Variants in SPATA6 observed in about 807,000 individuals in gnomAD.
SPATA6 encodes the protein spermatogenesis associated 6.
A neutral mutation model predicts 65.3 loss-of-function variants in SPATA6; 56 were observed. The observed-to-expected ratio is 0.86, with a 90% CI of 0.69 to 1.07. The LOEUF is 1.07. Among genes scored for constraint, SPATA6 ranks in the 50% least tolerant of loss-of-function variants. The probability of loss-of-function intolerance (pLI) is 0.00; values close to 1 mark genes in which losing one functional copy is unlikely to be tolerated. For missense variants in SPATA6, 590 were observed against 594.8 expected (o/e 0.99, Z 0.08); for synonymous variants, 199 against 213.2 (o/e 0.93, Z 0.58).
chr1:48,423,560 C>CTT (rs1273413209), intron 3 of SPATA6, among the ~76,000 whole-genome samples: 86 of 99,042 alleles, frequency 8.7e-4, no homozygotes, highest in African/African-American at 2.8e-3. Context: ...TTCTTTCTTT[C>CTT]TTTCTTTTTT....
chr1:48,282,264 A>G, the SPATA6 span, among the ~76,000 whole-genome samples: 1 of 152,238 alleles, frequency 6.6e-6, no homozygotes, highest in Non-Finnish European at 1.5e-5. Flanking sequence ...CATTCAGGAC[A>G]TAGGCATGGG....
intron 5 of SPATA6, among the ~76,000 whole-genome samples, chr1:48,406,480 T>C (rs933539452): frequency 6.6e-6 from 1 of 152,226 alleles, no homozygotes; most frequent in African/African-American, 2.4e-5. Flanking sequence ...AGATTAATCA[T>C]CACACCATTT....
At chr1:48,292,615 T>C (rs72887983), downstream of SPATA6, among the ~76,000 whole-genome samples, 3,752 of 152,306 alleles carry the variant, frequency 0.025, 99 homozygotes, top group African/African-American at 0.067. Flanking sequence ...GGCAGGCATA[T>C]GTGCAGCAGT....
intron 9 of SPATA6, 66 bp from the exon 10 acceptor site, chr1:48,359,836 T>C (rs1646760882): frequency 2.4e-6 from 3 of 1,248,262 alleles, no homozygotes; most frequent in Non-Finnish European, 3.3e-6. Context: ...ACATATTATA[T>C]AGTAATATAG....
intron 11 of SPATA6, among the ~76,000 whole-genome samples, chr1:48,345,031 A>T (rs375088712): frequency 7.9e-5 from 12 of 152,154 alleles, no homozygotes; most frequent in African/African-American, 2.9e-4. Context: ...CCTGACAGAT[A>T]TCTACAGAAC....
intron 8 of SPATA6, among the ~76,000 whole-genome samples, chr1:48,385,653 T>A (rs539022365): frequency 6.6e-6 from 1 of 152,188 alleles, no homozygotes; most frequent in African/African-American, 2.4e-5. Flanking sequence ...TAGGGTTTAG[T>A]TGATAATCAA....
chr1:48,369,234 G>A (rs1256019640), intron 9 of SPATA6, among the ~76,000 whole-genome samples: 2 of 152,214 alleles, frequency 1.3e-5, no homozygotes, highest in Non-Finnish European at 2.9e-5. Context: ...GGCTGCTCGG[G>A]TGTCAGGGAC....
chr1:48,449,856 C>G (rs112852653), intron 3 of SPATA6, among the ~76,000 whole-genome samples: 20 of 152,252 alleles, frequency 1.3e-4, no homozygotes, highest in Middle Eastern at 3.4e-3. Context: ...GGTGAAATGA[C>G]ATAATGCATA....
chr1:48,378,759 T>C (rs1479885819), intron 9 of SPATA6, among the ~76,000 whole-genome samples: 1 of 152,136 alleles, frequency 6.6e-6, no homozygotes, highest in Non-Finnish European at 1.5e-5. Flanking sequence ...GCAATTCAAT[T>C]TGAGATTTGG....
the SPATA6 span, among the ~76,000 whole-genome samples, chr1:48,274,171 C>T: frequency 2.0e-4 from 31 of 152,176 alleles, no homozygotes; most frequent in East Asian, 2.3e-3. Context: ...TCATATCCTT[C>T]GCTCACTTTT....
the SPATA6 span, among the ~76,000 whole-genome samples, chr1:48,275,659 T>A: frequency 6.6e-6 from 1 of 152,172 alleles, no homozygotes; most frequent in Admixed American, 6.5e-5. Flanking sequence ...TTCGCATATG[T>A]TTTTATGGTA....
intron 3 of SPATA6, chr1:48,437,246 C>T (rs1402569095): frequency 1.2e-6 from 2 of 1,608,938 alleles, no homozygotes; most frequent in African/African-American, 1.3e-5. Flanking sequence ...ATTTCATGTC[C>T]TATATACTTG....
Position 48,315,689 on chromosome 1 carries a change from C to G in SPATA6, c.1195-9811G>C, listed in dbSNP as rs1003393761. Among the ~76,000 whole-genome samples the G allele has an allele frequency of 1.2e-3, 177 of 152,084 alleles. 1 individual carries two copies. The highest frequency in any genetic ancestry group is 3.6e-3 in the African/African-American group (151 of 41,498). ...AACATAGTGTTGGAAGTTCTGGCCA[C>G]GGCAATGAGGCAGGAGAAGGAAATA... On this transcript the variant is annotated intron_variant, in intron 11 of 12. Coordinates refer to ENST00000371847, the MANE Select transcript of SPATA6 (RefSeq NM_019073.4).
At chr1:48,263,258 G>T in the SPATA6 span, 14 of 152,138 alleles carry the variant, frequency 9.2e-5, no homozygotes, top group Non-Finnish European at 1.9e-4. Flanking sequence ...TTTGGTATTT[G>T]AGCATATCTT....
the SPATA6 span, among the ~76,000 whole-genome samples, chr1:48,286,268 G>A: frequency 2.0e-5 from 3 of 151,220 alleles, no homozygotes; most frequent in Non-Finnish European, 4.4e-5. Flanking sequence ...GCTTTGGGTA[G>A]TACAGACATT....
At chr1:48,358,612 T>G (rs1321418860) in intron 10 of SPATA6, among the ~76,000 whole-genome samples, 1 of 152,108 alleles carries the variant, frequency 6.6e-6, no homozygotes, top group Non-Finnish European at 1.5e-5. Flanking sequence ...GATACTGAGA[T>G]GCAAGTTATC....
chr1:48,411,741 A>G lies in SPATA6; in HGVS notation c.281-153T>C, dbSNP rs1000475497. On this transcript the variant is annotated intron_variant, in intron 4 of 12. Coordinates refer to ENST00000371847, the MANE Select transcript of SPATA6 (RefSeq NM_019073.4). ...CTATGAAAGGAAAATTAAAATAAAG[A>G]TATGTTAAAAATATTAACACATTTT... 2.0e-5 allele frequency: 13 copies of G among 647,754 alleles called. No individual in the cohort carries two copies. In the African/African-American group the frequency reaches 2.1e-4, roughly 10 times the overall value. The allele number at this position is 647,754 out of a possible 1,614,324, so 40.1% of individuals were successfully genotyped here. A position where few individuals can be genotyped will look rare whatever the true frequency, so the allele number is the denominator to read the frequency against.
chr1:48,369,032 G>T (rs1005957410), intron 9 of SPATA6, among the ~76,000 whole-genome samples: 1 of 152,182 alleles, frequency 6.6e-6, no homozygotes, highest in Non-Finnish European at 1.5e-5. Context: ...CTCAGCTGCA[G>T]GTCTGTTGGA....
At chr1:48,345,017 T>G (rs1646324406) in intron 11 of SPATA6, among the ~76,000 whole-genome samples, 2 of 152,114 alleles carry the variant, frequency 1.3e-5, no homozygotes, top group Non-Finnish European at 2.9e-5. Context: ...CTGGATCAAA[T>G]GGACCTGACA....
Sources: allele counts gnomAD v4.1 joint callset (sites outside exome capture counted in the v4.1 genomes callset), GRCh38; gene constraint gnomAD v4.1.1; transcripts MANE v1.5; gene names NCBI Gene and HGNC (gene_info 2026-07-23, HGNC 2026-07-21).